The following TSHZ2 variants were observed in gnomAD, a reference collection of about 807,000 sequenced individuals.
TSHZ2 encodes teashirt zinc finger homeobox 2.
In TSHZ2, 21 loss-of-function variants were observed where a neutral mutation model predicts 74.4. The observed-to-expected ratio is 0.28, with a 90% CI of 0.20 to 0.41. The LOEUF is 0.41. Ranked by LOEUF, TSHZ2 falls within the 10% of genes least tolerant of loss-of-function variation. TSHZ2 has a pLI of 1.00. For synonymous variants in TSHZ2, 540 were observed against 515.3 expected, an observed-to-expected ratio of 1.05 and a Z score of -0.65; for missense variants, 1,244 against 1,293.5, an observed-to-expected ratio of 0.96 and a Z score of 0.59.
chr20:53,207,908 C>T (rs1343707008), intron 1 of TSHZ2, among the ~76,000 whole-genome samples: 1 of 140,232 alleles, frequency 7.1e-6, no homozygotes, highest in Non-Finnish European at 1.5e-5. Flanking sequence ...CTATGTTGTC[C>T]AGGCTGGTCT....
intron 1 of TSHZ2, among the ~76,000 whole-genome samples, chr20:53,110,855 G>T (rs982686108): frequency 8.5e-5 from 13 of 152,196 alleles, no homozygotes; most frequent in Admixed American, 4.6e-4. Context: ...AACTGTTGAT[G>T]GTTCTGGAAG....
intron 1 of TSHZ2, among the ~76,000 whole-genome samples, chr20:53,113,811 T>C (rs1462125497): frequency 6.6e-6 from 1 of 152,200 alleles, no homozygotes; most frequent in Non-Finnish European, 1.5e-5. Flanking sequence ...ATTAGTGTTT[T>C]ATATAAGGCT....
chr20:53,012,925 GCT>G (rs1246569428), intron 1 of TSHZ2, among the ~76,000 whole-genome samples: 1 of 152,068 alleles, frequency 6.6e-6, no homozygotes, highest in Non-Finnish European at 1.5e-5. Flanking sequence ...GCTCCAGGTT[GCT>G]CTCTCTTTTA....
At chr20:52,976,438 T>C (rs1981342036) in intron 1 of TSHZ2, among the ~76,000 whole-genome samples, 1 of 152,246 alleles carries the variant, frequency 6.6e-6, no homozygotes, top group Non-Finnish European at 1.5e-5. Context: ...TCCTTGGATG[T>C]ATATTTCACT....
At chr20:53,235,344 A>AT (rs1568826962) in intron 1 of TSHZ2, among the ~76,000 whole-genome samples, 1 of 151,494 alleles carries the variant, frequency 6.6e-6, no homozygotes, top group Non-Finnish European at 1.5e-5. Flanking sequence ...ATTTTTTTGT[A>AT]TTTTTAGTAG....
intron 1 of TSHZ2, among the ~76,000 whole-genome samples, chr20:53,117,033 G>A (rs6097241): frequency 0.078 from 11,786 of 152,044 alleles, 1,061 homozygotes; most frequent in African/African-American, 0.22. Context: ...AAAAGGAAAA[G>A]GGAGAGAAAG....
chr20:53,332,686 C>G (rs1050413894), intron 2 of TSHZ2, among the ~76,000 whole-genome samples: 1 of 152,168 alleles, frequency 6.6e-6, no homozygotes, highest in Non-Finnish European at 1.5e-5. Flanking sequence ...CTAGTTCAGG[C>G]TAGATTCAGG....
At chr20:53,280,320 G>T (rs2145434262) in intron 2 of TSHZ2, among the ~76,000 whole-genome samples, 1 of 152,210 alleles carries the variant, frequency 6.6e-6, no homozygotes, top group Middle Eastern at 3.4e-3. Flanking sequence ...TTTATAGCCT[G>T]GTTCCCAAAG....
At chr20:53,286,660 A>G (rs1000924306) in intron 2 of TSHZ2, among the ~76,000 whole-genome samples, 3 of 152,164 alleles carry the variant, frequency 2.0e-5, no homozygotes, top group African/African-American at 7.2e-5. Flanking sequence ...TAAAGTAGGA[A>G]CATCAACGGC....
chr20:53,166,538 A>T (rs1192162326), intron 1 of TSHZ2, among the ~76,000 whole-genome samples: 1 of 152,214 alleles, frequency 6.6e-6, no homozygotes, highest in African/African-American at 2.4e-5. Flanking sequence ...TGGGAGGCTG[A>T]GGTGGGTGGA....
chr20:53,352,017 A>G (rs1980663008), intron 2 of TSHZ2, among the ~76,000 whole-genome samples: 1 of 152,198 alleles, frequency 6.6e-6, no homozygotes, highest in African/African-American at 2.4e-5. Context: ...TGTGCACCAT[A>G]AAAGATAACT....
At chr20:53,297,627 TTAGTA>T (rs1991404662) in intron 2 of TSHZ2, among the ~76,000 whole-genome samples, 1 of 152,136 alleles carries the variant, frequency 6.6e-6, no homozygotes, top group African/African-American at 2.4e-5. Context: ...TAGGACACAG[TTAGTA>T]GCAGGAACTC....
At chr20:53,259,658 G>A (rs1990561765) in intron 2 of TSHZ2, among the ~76,000 whole-genome samples, 3 of 152,140 alleles carry the variant, frequency 2.0e-5, no homozygotes, top group African/African-American at 7.2e-5. Context: ...GTTGTGGGCG[G>A]CTTGATAAAA....
intron 1 of TSHZ2, among the ~76,000 whole-genome samples, chr20:53,163,455 T>A (rs980074643): frequency 1.4e-5 from 2 of 144,064 alleles, no homozygotes; most frequent in South Asian, 2.1e-4. Flanking sequence ...TATTTTATTT[T>A]ATTTTTTTTT....
intron 1 of TSHZ2, among the ~76,000 whole-genome samples, chr20:53,213,585 AAGAG>A (rs1029873706): frequency 6.1e-4 from 93 of 151,946 alleles, no homozygotes; most frequent in African/African-American, 2.0e-3. Context: ...GAGAGAGAGA[AAGAG>A]AGAGAGAGAG....
chr20:53,223,872 C>T (rs756541422), intron 1 of TSHZ2, among the ~76,000 whole-genome samples: 1 of 149,658 alleles, frequency 6.7e-6, no homozygotes, highest in Non-Finnish European at 1.5e-5. Flanking sequence ...TGAATCTACA[C>T]ATGTGAAAAA....
At chr20:52,982,342 C>T (rs915123426) in intron 1 of TSHZ2, among the ~76,000 whole-genome samples, 3 of 152,118 alleles carry the variant, frequency 2.0e-5, no homozygotes, top group African/African-American at 7.2e-5. Context: ...AGGAAGGACC[C>T]AAGGAAGAAC....
chr20:53,362,364 T>C (rs1981098317), intron 2 of TSHZ2, among the ~76,000 whole-genome samples: 1 of 151,524 alleles, frequency 6.6e-6, no homozygotes, highest in African/African-American at 2.4e-5. Flanking sequence ...TTTTGTATTT[T>C]TGGTAGAGAC....
chr20:53,135,390 C>A, intron 1 of TSHZ2, among the ~76,000 whole-genome samples: 1 of 152,190 alleles, frequency 6.6e-6, no homozygotes, highest in Middle Eastern at 3.4e-3. Context: ...GATAGAAGCC[C>A]GCAGTAATTA....
Sources: gnomAD v4.1 joint callset for allele counts (sites outside exome capture counted in the v4.1 genomes callset) on GRCh38, gnomAD v4.1.1 for gene constraint, MANE v1.5 for transcripts, NCBI Gene and HGNC (gene_info 2026-07-23, HGNC 2026-07-21) for gene names.